The following ADGRL3 variants were observed in gnomAD, a reference collection of about 807,000 sequenced individuals.
The protein encoded by ADGRL3 is adhesion G protein-coupled receptor L3, also known as calcium-independent alpha-latrotoxin receptor 3.
ADGRL3 carries 62 observed loss-of-function variants against 153.5 expected under a neutral mutation model. The observed-to-expected ratio is 0.40, with a 90% confidence interval of 0.33 to 0.50. The LOEUF is 0.50. Ranked by LOEUF, ADGRL3 falls within the 20% of genes least tolerant of loss-of-function variation. The pLI is 0.47. For synonymous variants in ADGRL3, 710 were observed against 672.5 expected, an observed-to-expected ratio of 1.06 and a Z score of -0.86; for missense variants, 1,641 against 1,859.4, an observed-to-expected ratio of 0.88 and a Z score of 2.16.
chr4:61,403,016 T>C (rs140493176), intron 2 of ADGRL3, among the ~76,000 whole-genome samples: 1 of 148,336 alleles, frequency 6.7e-6, no homozygotes, highest in African/African-American at 2.5e-5. Flanking sequence ...GGCTTGTACA[T>C]GGCTGCCTTC....
At chr4:62,053,590 T>C (rs1273823489) in intron 25 of ADGRL3, among the ~76,000 whole-genome samples, 1 of 151,502 alleles carries the variant, frequency 6.6e-6, no homozygotes, top group Non-Finnish European at 1.5e-5. Flanking sequence ...AGAAGGAAGA[T>C]AGTCAATCTT....
chr4:61,307,430 G>A (rs991837913), intron 1 of ADGRL3, among the ~76,000 whole-genome samples: 1 of 152,024 alleles, frequency 6.6e-6, no homozygotes, highest in Non-Finnish European at 1.5e-5. Context: ...CCAAATTCAC[G>A]TAGCAAATGA....
chr4:61,720,747 C>G (rs191638735), intron 6 of ADGRL3, among the ~76,000 whole-genome samples: 2 of 152,196 alleles, frequency 1.3e-5, no homozygotes, highest in African/African-American at 4.8e-5. Flanking sequence ...ATATTGAAAT[C>G]GTGACACTAT....
intron 13 of ADGRL3, among the ~76,000 whole-genome samples, chr4:61,927,293 T>G (rs2098798480): frequency 6.6e-6 from 1 of 152,110 alleles, no homozygotes; most frequent in South Asian, 2.1e-4. Flanking sequence ...CAGCATTTGG[T>G]CATTTCATTC....
At chr4:61,703,824 T>C (rs2095809559) in intron 6 of ADGRL3, among the ~76,000 whole-genome samples, 2 of 151,944 alleles carry the variant, frequency 1.3e-5, no homozygotes, top group Non-Finnish European at 2.9e-5. Flanking sequence ...CCTTCTGTTG[T>C]TTGCTTTGAT....
At chr4:61,699,229 G>A (rs2095702158) in intron 6 of ADGRL3, among the ~76,000 whole-genome samples, 1 of 152,084 alleles carries the variant, frequency 6.6e-6, no homozygotes, top group Non-Finnish European at 1.5e-5. Context: ...ACTCTGATAT[G>A]ACTTTAACAA....
At chr4:61,733,725 A>G (rs1174840899) in intron 8 of ADGRL3, among the ~76,000 whole-genome samples, 171 bp downstream of exon 8, 1 of 152,162 alleles carries the variant, frequency 6.6e-6, no homozygotes, top group Non-Finnish European at 1.5e-5. Context: ...TTTCAGCTAT[A>G]AAAATGTGTA....
At chr4:61,516,916 T>C (rs947628459) in intron 3 of ADGRL3, among the ~76,000 whole-genome samples, 1 of 152,170 alleles carries the variant, frequency 6.6e-6, no homozygotes, top group Non-Finnish European at 1.5e-5. Context: ...TTAGGAACCA[T>C]TATTCTTATT....
chr4:61,589,767 T>A (rs979792180), intron 5 of ADGRL3, among the ~76,000 whole-genome samples: 1 of 152,028 alleles, frequency 6.6e-6, no homozygotes, highest in African/African-American at 2.4e-5. Context: ...AGATATGAAA[T>A]GTCATTGAGG....
At chr4:61,578,730 G>C (rs768167128) in intron 4 of ADGRL3, among the ~76,000 whole-genome samples, 41 of 151,946 alleles carry the variant, frequency 2.7e-4, no homozygotes, top group Non-Finnish European at 4.9e-4. Flanking sequence ...CATCTTTAAA[G>C]ACCAACTCAA....
intron 9 of ADGRL3, among the ~76,000 whole-genome samples, chr4:61,823,104 A>G (rs147482673): frequency 1.3e-5 from 2 of 152,032 alleles, no homozygotes; most frequent in African/African-American, 2.4e-5. Flanking sequence ...CCTCTCCCCA[A>G]ATCCCATGCG....
chr4:61,370,829 A>C (rs999679667), intron 1 of ADGRL3, among the ~76,000 whole-genome samples: 1 of 152,008 alleles, frequency 6.6e-6, no homozygotes, highest in African/African-American at 2.4e-5. Flanking sequence ...TGACAGTGGG[A>C]TGTTAAAGTC....
chr4:62,067,223 A>G (rs1275198599), intron 25 of ADGRL3, among the ~76,000 whole-genome samples: 1 of 152,142 alleles, frequency 6.6e-6, no homozygotes, highest in Non-Finnish European at 1.5e-5. Flanking sequence ...ATAGTAAGAT[A>G]GAACCCTTTG....
chr4:61,979,375 T>A (rs2150802230), intron 17 of ADGRL3, among the ~76,000 whole-genome samples, 188 bp from the exon 18 acceptor site: 1 of 152,248 alleles, frequency 6.6e-6, no homozygotes, highest in South Asian at 2.1e-4. Context: ...GATTCACACC[T>A]CACGGAAAAG....
At chr4:61,467,233 A>G (rs998785593) in intron 2 of ADGRL3, among the ~76,000 whole-genome samples, 4 of 152,102 alleles carry the variant, frequency 2.6e-5, no homozygotes, top group African/African-American at 9.6e-5. Context: ...TATTTTAGAT[A>G]TGTTTTGTTT....
intron 2 of ADGRL3, among the ~76,000 whole-genome samples, chr4:61,473,148 C>G (rs747670541): frequency 7.1e-4 from 108 of 151,668 alleles, no homozygotes; most frequent in Admixed American, 4.2e-3. Context: ...AGCCAACAGT[C>G]ATTGGTTGAT....
intron 8 of ADGRL3, among the ~76,000 whole-genome samples, chr4:61,760,623 G>T (rs971305489): frequency 6.6e-6 from 1 of 152,102 alleles, no homozygotes; most frequent in Non-Finnish European, 1.5e-5. Context: ...GCGATGCCTC[G>T]CCCTGCTTCG....
chr4:61,373,878 A>C (rs1038594669), intron 1 of ADGRL3, among the ~76,000 whole-genome samples: 7 of 152,320 alleles, frequency 4.6e-5, no homozygotes, highest in African/African-American at 1.7e-4. Context: ...GCAATATCTA[A>C]ATAACTTAAA....
chr4:61,367,085 T>C (rs1402093111), intron 1 of ADGRL3, among the ~76,000 whole-genome samples: 2 of 152,184 alleles, frequency 1.3e-5, no homozygotes, highest in Non-Finnish European at 2.9e-5. Flanking sequence ...TCCATTTTAA[T>C]AGAAGTAAAA....
Sources: allele counts gnomAD v4.1 joint callset (sites outside exome capture counted in the v4.1 genomes callset), GRCh38; gene constraint gnomAD v4.1.1; transcripts MANE v1.5; gene names NCBI Gene and HGNC (gene_info 2026-07-23, HGNC 2026-07-21).